The following ITGAX variants were observed in gnomAD, a reference collection of about 807,000 sequenced individuals.
The protein encoded by ITGAX is integrin subunit alpha X.
ITGAX carries 99 observed loss-of-function variants against 140.2 expected under a neutral mutation model. The ratio of observed to expected loss-of-function variants is 0.71; its 90% CI spans 0.60 to 0.83. ITGAX has a LOEUF of 0.83. Among genes scored for constraint, ITGAX ranks in the 40% least tolerant of loss-of-function variants. ITGAX has a pLI of 0.00. For synonymous variants in ITGAX, 631 were observed against 600.4 expected (o/e 1.05, Z -0.75); for missense variants, 1,444 against 1,482.0 (o/e 0.97, Z 0.42).
In ITGAX at chr16:31,382,510, G is replaced by A. The variant is rs938514651; in HGVS notation, c.*603G>A. The A allele has an allele frequency of 3.3e-5, 47 of 1,420,744 alleles. No homozygotes were observed. Among genetic ancestry groups the A allele is most frequent in the African/African-American group, 8.5e-5 (6 of 70,530 alleles). 88.0% of individuals were successfully genotyped at this position (1,420,744 alleles called of 1,614,324 possible). A position where few individuals can be genotyped will look rare whatever the true frequency, so the allele number is the denominator to read the frequency against. ...GACAATGTCTGAACTCTCCAGCTTCGCGTGAGAAGTCCCCTTCCATCCCAG... is the reference window on the plus strand; with the variant it reads ...GACAATGTCTGAACTCTCCAGCTTCACGTGAGAAGTCCCCTTCCATCCCAG... On this transcript the variant is annotated 3_prime_UTR_variant, in exon 30 of 30. Coordinates refer to ENST00000268296, the MANE Select transcript of ITGAX (RefSeq NM_000887.5).
chr16:31,356,423 C>G, intron 2 of ITGAX: 1 of 547,080 alleles, frequency 1.8e-6, no homozygotes, highest in South Asian at 2.1e-5. Flanking sequence ...AGCCACCACA[C>G]CCAGACTCAA....
At position 31,361,135 on chromosome 16, in the gene ITGAX, C is replaced by A. The variant is rs776147324; in HGVS notation, c.934C>A (p.His312Asn). ...NDIASKPSQE[H>N]IFKVEDFDAL... The stretch of plus-strand genomic sequence containing the variant: ...CATTGCATCGAAGCCCTCCCAGGAA[C>A]ACATATTTAAAGTGGAGGACTTTGA... The change falls in exon 9 of 30, where the codon CAC (histidine) becomes AAC (asparagine). Residue 312 changes from histidine to asparagine, a missense_variant. Transcript: ENST00000268296. The A allele has an allele frequency of 6.2e-7, 1 of 1,613,744 alleles. No individual in the cohort carries two copies. The highest frequency in any genetic ancestry group is 8.5e-7 in the Non-Finnish European group (1 of 1,179,878).
chr16:31,367,091 A>G (rs2080899935), intron 14 of ITGAX, among the ~76,000 whole-genome samples: 1 of 152,214 alleles, frequency 6.6e-6, no homozygotes. Flanking sequence ...CCAAATCCAG[A>G]GCAAGGTCCG....
In ITGAX at chr16:31,362,156, T is replaced by G; in HGVS notation, c.1168T>G (p.Phe390Val). Residue 390 changes from phenylalanine (F) to valine (V), a missense_variant, in exon 11 of 30, where the codon TTC becomes GTC. Coordinates refer to ENST00000268296, the MANE Select transcript of ITGAX (RefSeq NM_000887.5). ...GTACCCCCCAAATATGAGCCCTACC[T>G]TCATCAACATGTCTCAGGAGAATGT... ...FLYPPNMSPTFINMSQENVDM... is the reference protein window; with the variant it reads ...FLYPPNMSPTVINMSQENVDM... 6.2e-7 allele frequency: 1 copy of G among 1,614,006 alleles called. No individual in the cohort carries two copies. Among genetic ancestry groups the G allele is most frequent in the Non-Finnish European group, 8.5e-7 (1 of 1,179,974 alleles).
At position 31,373,331 on chromosome 16, in the gene ITGAX, A is replaced by C; in HGVS notation, c.2449A>C (p.Thr817Pro). 2 of 1,613,708 alleles carry C rather than the reference A, an allele frequency of 1.2e-6. No individual in the cohort carries two copies. The highest frequency in any genetic ancestry group is 1.7e-6 in the Non-Finnish European group (2 of 1,179,976). ...GAATGACGGGGAAGACTCCTACGGA[A>C]CCACCATCACCTTCTCCCACCCCGC... ...VWNDGEDSYG[T>P]TITFSHPAGL... The change falls in exon 20 of 30, where the codon ACC (threonine) becomes CCC (proline). Residue 817 changes from threonine to proline, a missense_variant. Coordinates refer to ENST00000268296, the MANE Select transcript of ITGAX (RefSeq NM_000887.5).
chr16:31,360,114 C>T (rs767016350), intron 7 of ITGAX, 49 bp downstream of exon 7: 1 of 1,600,696 alleles, frequency 6.2e-7, no homozygotes, highest in South Asian at 1.1e-5. Context: ...CCAGGTCTTC[C>T]CTTGGGCCTC....
At chr16:31,357,482 A>C in intron 5 of ITGAX, 118 bp downstream of exon 5, 1 of 678,810 alleles carries the variant, frequency 1.5e-6, no homozygotes, top group South Asian at 2.0e-5. Flanking sequence ...AAAAAGAGTT[A>C]CCACGTGTTG....
At chr16:31,361,741 GC>G in intron 9 of ITGAX, 94 bp from the exon 10 acceptor site, 1 of 1,309,680 alleles carries the variant, frequency 7.6e-7, no homozygotes, top group East Asian at 2.3e-5. Flanking sequence ...TCTCCCTGTA[GC>G]CTCCAGTCTT....
In ITGAX at chr16:31,362,300, A is replaced by C. The variant is rs976710228; in HGVS notation, c.1216+96A>C. The C allele has an allele frequency of 2.9e-5, 24 of 840,118 alleles. No individual in the cohort carries two copies. The African/African-American group carries it at 8.3e-4, about 29-fold the overall frequency. 52.0% of individuals were successfully genotyped at this position (840,118 alleles called of 1,614,324 possible). On this transcript the variant is annotated intron_variant, in intron 11 of 29. Transcript: ENST00000268296. Reference sequence around the variant, plus strand: ...AAGGGGTATGGGGGCTGTGCTGCCCAGGGTGGGGTCCAGGCTTCTGGGGAG... The same window carrying C: ...AAGGGGTATGGGGGCTGTGCTGCCCCGGGTGGGGTCCAGGCTTCTGGGGAG...
intron 19 of ITGAX, 52 bp from the exon 20 acceptor site, chr16:31,373,197 T>C: frequency 6.7e-7 from 1 of 1,493,438 alleles, no homozygotes; most frequent in Non-Finnish European, 9.1e-7. Context: ...CCCAGACCAT[T>C]TCTAGCCTCA....
rs754332252 is a variant in ITGAX, at chr16:31,362,695, T to C, written c.1301T>C (p.Val434Ala). 11 of 1,613,704 alleles carry C rather than the reference T, an allele frequency of 6.8e-6. No homozygotes were observed. Among genetic ancestry groups the C allele is most frequent in the African/African-American group, 1.3e-5 (1 of 74,842 alleles). The change falls in exon 12 of 30, where the codon GTC (valine) becomes GCC (alanine). Residue 434 changes from valine to alanine, a missense_variant. Val to Ala is a moderately conservative substitution (Grantham distance 64). Coordinates refer to ENST00000268296, the MANE Select transcript of ITGAX (RefSeq NM_000887.5). ...CGCTACCAGCACACCGGGAAGGCTG[T>C]CATCTTCACCCAGGTGTCCAGGCAA... Reference protein sequence around the residue: ...APRYQHTGKAVIFTQVSRQWR... With the variant: ...APRYQHTGKAAIFTQVSRQWR...
intron 20 of ITGAX, among the ~76,000 whole-genome samples, chr16:31,375,653 T>C (rs1285336645): frequency 6.6e-6 from 1 of 152,252 alleles, no homozygotes; most frequent in Non-Finnish European, 1.5e-5. Flanking sequence ...AAATATCTTT[T>C]TACTTCTGGT....
Position 31,362,743 on chromosome 16 carries a change from C to A in ITGAX, c.1349C>A (p.Thr450Lys). Residue 450 changes from threonine (T) to lysine (K), a missense_variant, in exon 12 of 30, where the codon ACG becomes AAG. By Grantham distance (78) the Thr-to-Lys change is moderately conservative. Coordinates refer to ENST00000268296, the MANE Select transcript of ITGAX (RefSeq NM_000887.5). ...SRQWRMKAEV[T>K]GTQIGSYFGA... Reference sequence around the variant, plus strand: ...CAATGGAGGATGAAGGCCGAAGTCACGGGGACTCAGGTTGGGCGTGACAGG... The same window carrying A: ...CAATGGAGGATGAAGGCCGAAGTCAAGGGGACTCAGGTTGGGCGTGACAGG... 2.5e-6 allele frequency: 4 copies of A among 1,613,410 alleles called. No homozygotes were observed. In the Admixed American group the frequency reaches 5.0e-5, roughly 20 times the overall value.
chr16:31,374,414 A>T (rs760688520), intron 20 of ITGAX, among the ~76,000 whole-genome samples: 1 of 152,012 alleles, frequency 6.6e-6, no homozygotes, highest in Non-Finnish European at 1.5e-5. Context: ...TGTTTCATCA[A>T]TTTTTCCCCT....
At chr16:31,370,908 T>C (rs1441501238) in intron 14 of ITGAX, among the ~76,000 whole-genome samples, 176 bp from the exon 15 acceptor site, 1 of 152,114 alleles carries the variant, frequency 6.6e-6, no homozygotes, top group Non-Finnish European at 1.5e-5. Context: ...ATCTGTTTCT[T>C]AGCAATCATC....
chr16:31,369,393 C>T (rs987598930), intron 14 of ITGAX, among the ~76,000 whole-genome samples: 4 of 152,220 alleles, frequency 2.6e-5, no homozygotes, highest in African/African-American at 4.8e-5. Flanking sequence ...ACCTCCCGGA[C>T]GACTCCAACT....
At chr16:31,371,823 G>T (rs984241473) in intron 17 of ITGAX, 39 bp downstream of exon 17, 1 of 1,605,172 alleles carries the variant, frequency 6.2e-7, no homozygotes. Context: ...GCCGCGCTGG[G>T]GCTGGCAGAA....
chr16:31,362,760 C>T lies in ITGAX; in HGVS notation c.1359+7C>T, dbSNP rs769829067. Reference sequence around the variant, plus strand: ...CGAAGTCACGGGGACTCAGGTTGGGCGTGACAGGAGCCAGAGGGGAGGATG... The same window carrying T: ...CGAAGTCACGGGGACTCAGGTTGGGTGTGACAGGAGCCAGAGGGGAGGATG... On this transcript the variant is annotated splice_region_variant and intron_variant, in intron 12 of 29. Coordinates refer to ENST00000268296, the MANE Select transcript of ITGAX (RefSeq NM_000887.5). The T allele has an allele frequency of 1.2e-5, 19 of 1,612,564 alleles. No homozygotes were observed. The Admixed American group carries it at 1.3e-4, about 11-fold the overall frequency.
chr16:31,372,377 G>T lies in ITGAX; in HGVS notation c.2161-1G>T. ...CGCTCCCCGCGACGCCCGTCCCCCA[G>T]AGCTGCGTGGAGGACTCTGTGACCC... On this transcript the variant is annotated splice_acceptor_variant, in intron 17 of 29. Transcript: ENST00000268296. LOFTEE classifies it high-confidence loss of function. The T allele has an allele frequency of 6.2e-7, 1 of 1,601,968 alleles. No homozygotes were observed. Among genetic ancestry groups the T allele is most frequent in the South Asian group, 1.1e-5 (1 of 89,624 alleles).
Sources: gnomAD v4.1 joint callset for allele counts (sites outside exome capture counted in the v4.1 genomes callset) on GRCh38, gnomAD v4.1.1 for gene constraint, MANE v1.5 for transcripts, NCBI Gene and HGNC (gene_info 2026-07-23, HGNC 2026-07-21) for gene names.